The following NRXN3 variants were observed in gnomAD, a reference collection of about 807,000 sequenced individuals.
The protein encoded by NRXN3 is neurexin 3.
NRXN3 carries 32 observed loss-of-function variants against 137.6 expected under a neutral mutation model. The observed-to-expected ratio is 0.23, with a 90% CI of 0.18 to 0.31. The LOEUF (loss-of-function observed/expected upper bound fraction) is 0.31. Ranked by LOEUF, NRXN3 falls within the 10% of genes least tolerant of loss-of-function variation. NRXN3 has a pLI of 1.00. For missense variants in NRXN3, 1,574 were observed against 2,062.5 expected, an observed-to-expected ratio of 0.76 and a Z score of 4.59; for synonymous variants, 798 against 784.5, an observed-to-expected ratio of 1.02 and a Z score of -0.29.
At chr14:78,704,956 G>C (rs2098330843) in intron 6 of NRXN3, among the ~76,000 whole-genome samples, 1 of 152,094 alleles carries the variant, frequency 6.6e-6, no homozygotes, top group South Asian at 2.1e-4. Flanking sequence ...TTTTTCCTGA[G>C]AGACTTTGTC....
At position 78,567,186 on chromosome 14, in the gene NRXN3, G is replaced by A. The variant is rs2096843994; in HGVS notation, c.758-77934G>A. Among the ~76,000 whole-genome samples the A allele has an allele frequency of 2.0e-5, 3 of 152,210 alleles. No individual in the cohort carries two copies. In the South Asian group the frequency reaches 6.2e-4, roughly 32 times the overall value. On this transcript the variant is annotated intron_variant, in intron 4 of 20. Coordinates refer to ENST00000335750, the MANE Select transcript of NRXN3 (RefSeq NM_001330195.2). ...GCCTGGAAGTCTCTTGGCTCTAAAGGAACCATCATAGAATGGGGATTCTGA... is the reference window on the plus strand; with the variant it reads ...GCCTGGAAGTCTCTTGGCTCTAAAGAAACCATCATAGAATGGGGATTCTGA...
At chr14:78,287,076 G>T (rs1442128793) in intron 3 of NRXN3, among the ~76,000 whole-genome samples, 1 of 152,168 alleles carries the variant, frequency 6.6e-6, no homozygotes, top group Non-Finnish European at 1.5e-5. Context: ...CACTAAACTA[G>T]GATAGTTCTC....
chr14:79,422,991 C>T (rs937620273), intron 15 of NRXN3, among the ~76,000 whole-genome samples: 1 of 152,096 alleles, frequency 6.6e-6, no homozygotes, highest in African/African-American at 2.4e-5. Flanking sequence ...GGTCACCGCG[C>T]CCGGCCTAGT....
intron 15 of NRXN3, among the ~76,000 whole-genome samples, chr14:79,255,072 T>C (rs2076405355): frequency 6.6e-6 from 1 of 152,206 alleles, no homozygotes; most frequent in African/African-American, 2.4e-5. Flanking sequence ...AACAGACCAA[T>C]TAAAGACGAC....
chr14:79,066,344 CTATT>C (rs1050319280), intron 15 of NRXN3, among the ~76,000 whole-genome samples: 2 of 152,076 alleles, frequency 1.3e-5, no homozygotes, highest in Non-Finnish European at 2.9e-5. Context: ...TTCCATTGAT[CTATT>C]TGTCTGTTCT....
intron 15 of NRXN3, among the ~76,000 whole-genome samples, chr14:79,418,407 ATTTTAGTGAAGGGTTAAGTAAT>A: frequency 1.3e-5 from 2 of 152,354 alleles, no homozygotes; most frequent in East Asian, 3.9e-4. Context: ...ATTTGGTTTC[ATTTTAGTGAAGGGTTAAGTAAT>A]TTTAAGGCGT....
intron 20 of NRXN3, among the ~76,000 whole-genome samples, chr14:79,843,148 G>T (rs2099359666): frequency 6.6e-6 from 1 of 151,912 alleles, no homozygotes; most frequent in South Asian, 2.1e-4. Flanking sequence ...TTTCTATCTT[G>T]GCTAATGTGA....
chr14:79,816,314 C>T (rs967749382), intron 20 of NRXN3, among the ~76,000 whole-genome samples: 12 of 152,296 alleles, frequency 7.9e-5, no homozygotes, highest in Admixed American at 2.0e-4. Context: ...AATTTTGACA[C>T]GCTCCTTTGT....
intron 15 of NRXN3, among the ~76,000 whole-genome samples, chr14:79,420,361 G>A (rs764176055): frequency 1.3e-5 from 2 of 152,118 alleles, no homozygotes; most frequent in Non-Finnish European, 2.9e-5. Context: ...TGGAGGTTGT[G>A]ATTTTTTAAA....
In NRXN3 at chr14:78,855,657, C is replaced by T. The variant is rs1165148047; in HGVS notation, c.2275+45313C>T. Among the ~76,000 whole-genome samples the T allele has an allele frequency of 3.9e-5, 6 of 152,154 alleles. No individual in the cohort carries two copies. The East Asian group carries it at 1.2e-3, about 29-fold the overall frequency. ...TCTAAGAACCCAGAGGCAATGAATG[C>T]TACTGTCAAAAATAATTTGAAGAAA... On this transcript the variant is annotated intron_variant, in intron 10 of 20. Coordinates refer to ENST00000335750, the MANE Select transcript of NRXN3 (RefSeq NM_001330195.2).
intron 15 of NRXN3, among the ~76,000 whole-genome samples, chr14:79,142,172 T>G (rs995588116): frequency 3.3e-5 from 5 of 152,146 alleles, no homozygotes; most frequent in Non-Finnish European, 7.4e-5. Flanking sequence ...CTCACGCTTG[T>G]AATTCCAACA....
At chr14:78,204,612 A>C (rs1472929647) in intron 1 of NRXN3, among the ~76,000 whole-genome samples, 1 of 152,224 alleles carries the variant, frequency 6.6e-6, no homozygotes, top group African/African-American at 2.4e-5. Context: ...GTAGGGAAAA[A>C]TCAAGCTATA....
chr14:79,128,127 G>T (rs2056839892), intron 15 of NRXN3, among the ~76,000 whole-genome samples: 2 of 146,658 alleles, frequency 1.4e-5, no homozygotes, highest in Non-Finnish European at 3.0e-5. Context: ...TGCAAACAGG[G>T]ACAATTTGAC....
intron 3 of NRXN3, among the ~76,000 whole-genome samples, chr14:78,289,688 G>A (rs1596865227): frequency 6.6e-6 from 1 of 152,122 alleles, no homozygotes; most frequent in East Asian, 1.9e-4. Flanking sequence ...GGCCGAGGTG[G>A]GCAGATCACG....
intron 4 of NRXN3, among the ~76,000 whole-genome samples, chr14:78,457,730 T>C (rs1598919169): frequency 6.6e-6 from 1 of 152,150 alleles, no homozygotes; most frequent in East Asian, 1.9e-4. Flanking sequence ...TATGTGTGTA[T>C]AGATATATCT....
At chr14:79,169,237 G>T (rs1006497039) in intron 15 of NRXN3, among the ~76,000 whole-genome samples, 2 of 152,054 alleles carry the variant, frequency 1.3e-5, no homozygotes, top group African/African-American at 4.8e-5. Context: ...TAGGCTGTCA[G>T]AATGCTACAT....
chr14:79,649,608 TC>T (rs1266892500), intron 16 of NRXN3, among the ~76,000 whole-genome samples: 2 of 152,184 alleles, frequency 1.3e-5, no homozygotes, highest in African/African-American at 4.8e-5. Context: ...CTGAGAGTCT[TC>T]CTTAACATTC....
At chr14:79,716,640 CTG>C (rs537602319) in intron 19 of NRXN3, among the ~76,000 whole-genome samples, 294 of 152,164 alleles carry the variant, frequency 1.9e-3, no homozygotes, top group Non-Finnish European at 3.2e-3. Context: ...ATTAGCCCCT[CTG>C]TTTAATTTTG....
intron 6 of NRXN3, among the ~76,000 whole-genome samples, chr14:78,697,350 C>A (rs912176808): frequency 6.6e-6 from 1 of 151,760 alleles, no homozygotes; most frequent in South Asian, 2.1e-4. Context: ...GTTTCCTATT[C>A]TCTGCCTATA....
Sources: allele counts gnomAD v4.1 joint callset (sites outside exome capture counted in the v4.1 genomes callset), GRCh38; gene constraint gnomAD v4.1.1; transcripts MANE v1.5; gene names NCBI Gene and HGNC (gene_info 2026-07-23, HGNC 2026-07-21).